The following FSTL4 variants were observed in gnomAD, a reference collection of about 807,000 sequenced individuals.
FSTL4 encodes the protein follistatin-related protein 4.
Under a neutral mutation model 78.2 loss-of-function variants are expected in FSTL4, and 28 were observed. That is an observed-to-expected ratio of 0.36 (90% CI 0.27 to 0.49). The LOEUF is 0.49. Ranked by LOEUF, FSTL4 falls within the 20% of genes least tolerant of loss-of-function variation. FSTL4 has a pLI of 0.98. For synonymous variants in FSTL4, 422 were observed against 440.5 expected, an observed-to-expected ratio of 0.96 and a Z score of 0.53; for missense variants, 922 against 1,084.9, an observed-to-expected ratio of 0.85 and a Z score of 2.11.
the FSTL4 span, among the ~76,000 whole-genome samples, chr5:133,714,359 T>C: frequency 3.3e-4 from 51 of 152,242 alleles, no homozygotes; most frequent in African/African-American, 1.1e-3. Context: ...ATTTGACAAA[T>C]GTGAGAGCTC....
intron 3 of FSTL4, among the ~76,000 whole-genome samples, chr5:133,491,298 T>C (rs781497827): frequency 3.3e-5 from 5 of 152,246 alleles, no homozygotes; most frequent in Admixed American, 1.3e-4. Context: ...GATTATTATG[T>C]GTTCCCAGTG....
the FSTL4 span, among the ~76,000 whole-genome samples, chr5:133,618,392 G>A: frequency 6.6e-6 from 1 of 152,172 alleles, no homozygotes; most frequent in Non-Finnish European, 1.5e-5. Flanking sequence ...GGGGAGGAGG[G>A]TGAGCAAGGA....
rs769509086 is a variant in FSTL4 at position 133,199,153 on chromosome 5, C to T, written c.2471G>A (p.Arg824Gln). The T allele has an allele frequency of 4.3e-5, 69 of 1,601,174 alleles. No homozygotes were observed. In the East Asian group the frequency reaches 4.9e-4, roughly 11 times the overall value. Residue 824 changes from arginine (R) to glutamine (Q), a missense_variant, in exon 16 of 16, where the codon CGG becomes CAG. Physicochemically the swap from Arg to Gln is conservative, Grantham distance 43. Coordinates refer to ENST00000265342, the MANE Select transcript of FSTL4 (RefSeq NM_015082.2). This position sits in a 1 kb window ranked among gnomAD's most constrained non-coding sequence, Gnocchi z 4.4. ...FLINGRQNTL[R>Q]CEVSGIKGGT... Reference sequence around the variant, plus strand: ...CCCCTTTATACCTGACACCTCACACCGCAGCGTGTTTTGTCTCCCATTGAT... The same window carrying T: ...CCCCTTTATACCTGACACCTCACACTGCAGCGTGTTTTGTCTCCCATTGAT...
chr5:133,376,347 G>C (rs1755435599), intron 4 of FSTL4, among the ~76,000 whole-genome samples: 1 of 152,094 alleles, frequency 6.6e-6, no homozygotes, highest in African/African-American at 2.4e-5. Flanking sequence ...AATGGAGTTA[G>C]GGCAAATTGG....
the FSTL4 span, among the ~76,000 whole-genome samples, chr5:133,780,185 A>G: frequency 6.6e-6 from 1 of 152,140 alleles, no homozygotes; most frequent in African/African-American, 2.4e-5. Flanking sequence ...ACCTGAGGCC[A>G]GTCCGCCAAT....
chr5:133,471,828 G>A (rs1051926042), intron 3 of FSTL4, among the ~76,000 whole-genome samples: 3 of 152,142 alleles, frequency 2.0e-5, no homozygotes, highest in African/African-American at 7.2e-5. Context: ...TTAAAAGTAT[G>A]ACGGTGTGGT....
chr5:133,400,123 G>A (rs1756182770), intron 4 of FSTL4, among the ~76,000 whole-genome samples: 1 of 152,194 alleles, frequency 6.6e-6, no homozygotes, highest in Non-Finnish European at 1.5e-5. Flanking sequence ...GTGGGAGCTG[G>A]TACTTCCCTT....
chr5:133,312,878 A>C, intron 5 of FSTL4, 101 bp from the exon 6 acceptor site: 48 of 1,118,950 alleles, frequency 4.3e-5, no homozygotes, highest in Non-Finnish European at 6.1e-5. Flanking sequence ...GGGACAGCTC[A>C]GTGGGCCTTG....
chr5:133,532,002 T>G (rs1382768169), intron 3 of FSTL4, among the ~76,000 whole-genome samples: 5 of 152,190 alleles, frequency 3.3e-5, no homozygotes, highest in African/African-American at 7.2e-5. Flanking sequence ...TCTCTTACAC[T>G]GCAAAACGGA....
intron 3 of FSTL4, among the ~76,000 whole-genome samples, chr5:133,537,187 T>C (rs748185257): frequency 3.3e-4 from 50 of 152,312 alleles, no homozygotes; most frequent in Non-Finnish European, 6.6e-4. Context: ...ACACACTCAT[T>C]CATATACTTT....
the FSTL4 span, among the ~76,000 whole-genome samples, chr5:133,701,777 G>GC: frequency 6.6e-6 from 1 of 152,172 alleles, no homozygotes; most frequent in African/African-American, 2.4e-5. Context: ...ACGTTTGCGT[G>GC]TTTTCCCCAA....
chr5:133,814,725 C>T, the FSTL4 span, among the ~76,000 whole-genome samples: 16 of 152,146 alleles, frequency 1.1e-4, no homozygotes, highest in African/African-American at 3.6e-4. Flanking sequence ...AGTCAGCAAG[C>T]AGGGATCAGA....
At chr5:133,739,160 C>A in the FSTL4 span, among the ~76,000 whole-genome samples, 1 of 152,108 alleles carries the variant, frequency 6.6e-6, no homozygotes, top group Non-Finnish European at 1.5e-5. Flanking sequence ...CTATTAGACT[C>A]AACTCTCAAT....
chr5:133,220,880 A>G lies in FSTL4; in HGVS notation c.1340-14T>C. 6.8e-7 allele frequency: 1 copy of G among 1,466,930 alleles called. No individual in the cohort carries two copies. Among genetic ancestry groups the G allele is most frequent in the Non-Finnish European group, 9.6e-7 (1 of 1,045,660 alleles). The allele number at this position is 1,466,930 out of a possible 1,614,324, so 90.9% of individuals were successfully genotyped here. On this transcript the variant is annotated splice_polypyrimidine_tract_variant and intron_variant, in intron 11 of 15. Transcript: ENST00000265342. ...CCACGCTGAGGCCTGGGAGGAGCAA[A>G]TGGAATGGGCATGCCCTCCAAGCAG...
the FSTL4 span, among the ~76,000 whole-genome samples, chr5:133,621,292 C>T: frequency 4.6e-5 from 7 of 152,176 alleles, no homozygotes; most frequent in South Asian, 2.1e-4. Context: ...CCCAGCTACT[C>T]GGGAGGCTGA....
chr5:133,550,022 A>C lies in FSTL4; in HGVS notation c.160+17164T>G, dbSNP rs577605928. 2.0e-5 allele frequency among the ~76,000 whole-genome samples: 3 copies of C among 152,290 alleles called. No homozygotes were observed. In the East Asian group the frequency reaches 5.8e-4, roughly 29 times the overall value. ...TGCCCTAGGCTTGACTCCTGTCCCC[A>C]TATCTCTTGAGGTCGTAACAATCAG... On this transcript the variant is annotated intron_variant, in intron 3 of 15. Coordinates refer to ENST00000265342, the MANE Select transcript of FSTL4 (RefSeq NM_015082.2).
chr5:133,556,542 T>C (rs1227254113), intron 3 of FSTL4, among the ~76,000 whole-genome samples: 7 of 152,058 alleles, frequency 4.6e-5, no homozygotes, highest in Non-Finnish European at 1.5e-5. Context: ...CCTGGCCAAC[T>C]TGGTGAAACC....
At chr5:133,241,081 T>C (rs1183628608) in intron 7 of FSTL4, among the ~76,000 whole-genome samples, 1 of 152,154 alleles carries the variant, frequency 6.6e-6, no homozygotes, top group Non-Finnish European at 1.5e-5. Flanking sequence ...CTCTGGGAAA[T>C]TGACACTGTG....
chr5:133,324,050 T>C (rs1011905329), intron 4 of FSTL4, among the ~76,000 whole-genome samples: 2 of 152,154 alleles, frequency 1.3e-5, no homozygotes, highest in African/African-American at 2.4e-5. Context: ...GGGAGATAGG[T>C]AGCAGGTAGC....
Sources: allele counts gnomAD v4.1 joint callset (sites outside exome capture counted in the v4.1 genomes callset), GRCh38; gene constraint gnomAD v4.1.1; non-coding constraint Gnocchi (gnomAD v3.1); transcripts MANE v1.5; gene names NCBI Gene and HGNC (gene_info 2026-07-23, HGNC 2026-07-21).